Variants in GPR149 observed in about 807,000 individuals in gnomAD.
GPR149 encodes G protein-coupled receptor 149.
Under a neutral mutation model 50.2 loss-of-function variants are expected in GPR149, and 50 were observed. The ratio of observed to expected loss-of-function variants is 1.00; its 90% CI spans 0.79 to 1.26. The LOEUF is 1.26. Among genes scored for constraint, GPR149 ranks in the 50% most tolerant of loss-of-function variants. GPR149 has a pLI of 0.00. For missense variants in GPR149, 983 were observed against 895.4 expected (o/e 1.10, Z -1.25); for synonymous variants, 405 against 358.2 (o/e 1.13, Z -1.48).
At chr3:154,384,459 G>T (rs960684204) in intron 3 of GPR149, among the ~76,000 whole-genome samples, 4 of 152,156 alleles carry the variant, frequency 2.6e-5, no homozygotes, top group African/African-American at 7.2e-5. Flanking sequence ...AAGCCTAAAA[G>T]TTGTGTTGAT....
intron 3 of GPR149, among the ~76,000 whole-genome samples, chr3:154,378,041 T>A (rs988186568): frequency 1.3e-5 from 2 of 152,066 alleles, no homozygotes; most frequent in Middle Eastern, 3.4e-3. Flanking sequence ...AGTTCATTTC[T>A]TTATATTGCT....
At chr3:154,418,856 C>CA (rs961713166) in intron 3 of GPR149, among the ~76,000 whole-genome samples, 28 of 149,682 alleles carry the variant, frequency 1.9e-4, no homozygotes, top group Middle Eastern at 6.9e-3. Context: ...CTTTGACTTT[C>CA]AAAAAAAAAG....
chr3:154,396,271 A>G (rs1715291605), intron 3 of GPR149, among the ~76,000 whole-genome samples: 1 of 152,198 alleles, frequency 6.6e-6, no homozygotes, highest in African/African-American at 2.4e-5. Flanking sequence ...AGTAGAGTTC[A>G]CATGTTTTTT....
At chr3:154,374,288 C>A (rs750425426) in intron 3 of GPR149, among the ~76,000 whole-genome samples, 1 of 149,938 alleles carries the variant, frequency 6.7e-6, no homozygotes, top group Non-Finnish European at 1.5e-5. Context: ...GATTCTTGTG[C>A]CTGAGCCTTC....
chr3:154,427,396 A>G, intron 2 of GPR149, 120 bp downstream of exon 2: 3 of 713,952 alleles, frequency 4.2e-6, no homozygotes, highest in Non-Finnish European at 6.9e-6. Context: ...CTCACTATTT[A>G]CCACTGACAT....
chr3:154,337,768 G>T lies in GPR149; in HGVS notation c.2127C>A (p.Gly709=). ...TTAACAACTGGATTTCCTCCTGGTA[G>T]CCATCCCTCTCTTGATGCTGCCTTT... ...NSKRQHQERD[G]YQEEIQLLNK... Residue 709 remains glycine (G), a synonymous_variant, in exon 4 of 4, where the codon GGC becomes GGA. Transcript: ENST00000389740. The T allele has an allele frequency of 2.5e-6, 4 of 1,613,236 alleles. No individual in the cohort carries two copies. The highest frequency in any genetic ancestry group is 3.4e-6 in the Non-Finnish European group (4 of 1,179,686).
intron 2 of GPR149, among the ~76,000 whole-genome samples, chr3:154,427,299 A>G (rs1014571421): frequency 4.6e-5 from 7 of 151,976 alleles, no homozygotes. Flanking sequence ...TCAGTACCAC[A>G]GGCACTTCAT....
intron 3 of GPR149, among the ~76,000 whole-genome samples, chr3:154,339,732 G>C (rs1360692073): frequency 7.1e-6 from 1 of 139,934 alleles, no homozygotes; most frequent in Non-Finnish European, 1.6e-5. Context: ...GTTTAAAGAA[G>C]TTTGAAAAAG....
Position 154,397,130 on chromosome 3 carries a change from T to G in GPR149, c.1623+23909A>C, listed in dbSNP as rs78868905. ...AAATGGAAGCAAATCCAACTCCTAT[T>G]AATTGGGGAAAGTTGAGAGTCAAAT... On this transcript the variant is annotated intron_variant, in intron 3 of 3. Coordinates refer to ENST00000389740, the MANE Select transcript of GPR149 (RefSeq NM_001038705.3). Among the ~76,000 whole-genome samples, 868 of 152,196 alleles carry G rather than the reference T, an allele frequency of 5.7e-3. 5 individuals are homozygous for G. The highest frequency in any genetic ancestry group is 0.02 in the African/African-American group (828 of 41,522).
At chr3:154,367,316 TCCTCTCTC>T (rs1400729350) in intron 3 of GPR149, among the ~76,000 whole-genome samples, 4 of 144,400 alleles carry the variant, frequency 2.8e-5, no homozygotes, top group Non-Finnish European at 4.5e-5. Flanking sequence ...CTTCCCTGTG[TCCTCTCTC>T]CCTCTCTCCC....
At chr3:154,349,313 A>C (rs576697047) in intron 3 of GPR149, among the ~76,000 whole-genome samples, 2 of 152,218 alleles carry the variant, frequency 1.3e-5, no homozygotes, top group Non-Finnish European at 2.9e-5. Flanking sequence ...TAATGAAACA[A>C]AAAGTTATTT....
chr3:154,416,223 G>A (rs1401614437), intron 3 of GPR149, among the ~76,000 whole-genome samples: 1 of 151,752 alleles, frequency 6.6e-6, no homozygotes, highest in African/African-American at 2.4e-5. Context: ...AATTAATTTT[G>A]CCCTGCACTT....
chr3:154,402,912 T>C (rs893144615), intron 3 of GPR149, among the ~76,000 whole-genome samples: 12 of 152,052 alleles, frequency 7.9e-5, no homozygotes, highest in African/African-American at 2.7e-4. Context: ...GAAAATTTTA[T>C]GTTAGTATTC....
intron 2 of GPR149, among the ~76,000 whole-genome samples, chr3:154,422,340 T>C (rs1712170138): frequency 6.6e-6 from 1 of 151,652 alleles, no homozygotes; most frequent in Non-Finnish European, 1.5e-5. Context: ...TGAATGTCAT[T>C]AAATGCTAGA....
At chr3:154,427,261 C>CT (rs137998834) in intron 2 of GPR149, among the ~76,000 whole-genome samples, 7,736 of 148,704 alleles carry the variant, frequency 0.052, 277 homozygotes, top group Non-Finnish European at 0.075. Flanking sequence ...CTAGTCTTCC[C>CT]TTTTTTTTTT....
chr3:154,352,234 G>A (rs1576901171), intron 3 of GPR149: 4 of 867,916 alleles, frequency 4.6e-6, no homozygotes, highest in South Asian at 1.7e-5. Flanking sequence ...CTCCCTTGTC[G>A]ACTCTGTCTA....
At chr3:154,415,358 A>G (rs921102576) in intron 3 of GPR149, among the ~76,000 whole-genome samples, 2 of 152,000 alleles carry the variant, frequency 1.3e-5, no homozygotes, top group Non-Finnish European at 2.9e-5. Flanking sequence ...CAAATGATGC[A>G]TGCTGTGAAG....
At chr3:154,373,273 A>G (rs1714709314) in intron 3 of GPR149, among the ~76,000 whole-genome samples, 1 of 152,150 alleles carries the variant, frequency 6.6e-6, no homozygotes, top group Admixed American at 6.5e-5. Flanking sequence ...TGCTGCTTAG[A>G]TATCAGGTAG....
intron 3 of GPR149, among the ~76,000 whole-genome samples, chr3:154,341,795 A>G (rs1037348275): frequency 1.3e-5 from 2 of 152,170 alleles, no homozygotes; most frequent in Non-Finnish European, 2.9e-5. Flanking sequence ...AACAAGGTGG[A>G]TTCCCAAGTA....
Sources: allele counts gnomAD v4.1 joint callset (sites outside exome capture counted in the v4.1 genomes callset), GRCh38; gene constraint gnomAD v4.1.1; transcripts MANE v1.5; gene names NCBI Gene and HGNC (gene_info 2026-07-23, HGNC 2026-07-21).